Variants in ABCG1 observed in about 807,000 individuals in gnomAD.
ABCG1 encodes ATP binding cassette subfamily G member 1.
ABCG1 carries 29 observed loss-of-function variants against 69.2 expected under a neutral mutation model. That is an observed-to-expected ratio of 0.42 (90% CI 0.31 to 0.57). The LOEUF is 0.57. Ranked by LOEUF, ABCG1 falls within the 20% of genes least tolerant of loss-of-function variation. The probability of loss-of-function intolerance (pLI) is 0.15; values close to 1 mark genes in which losing one functional copy is unlikely to be tolerated. For missense variants in ABCG1, 718 were observed against 898.1 expected (o/e 0.80, Z 2.56); for synonymous variants, 370 against 374.8 (o/e 0.99, Z 0.15).
In ABCG1 at chr21:42,296,027, T is replaced by C. The variant is rs552422456; in HGVS notation, c.1773-137T>C. On this transcript the variant is annotated intron_variant, in intron 14 of 14. Coordinates refer to ENST00000398449, the MANE Select transcript of ABCG1 (RefSeq NM_016818.3). This position sits in a 1 kb window ranked among gnomAD's most constrained non-coding sequence, Gnocchi z 5.4. ...GAAGGTGGTGGGCGGTGAGGAAGTA[T>C]TCTGGGGAAGGCGGCCCTTTGGGAA... is the stretch of plus-strand genomic sequence containing the variant. The C allele has an allele frequency of 4.4e-6, 3 of 677,890 alleles. No individual in the cohort carries two copies. Among genetic ancestry groups the C allele is most frequent in the Non-Finnish European group, 7.9e-6 (3 of 378,254 alleles). 42.0% of individuals were successfully genotyped at this position (677,890 alleles called of 1,614,324 possible).
chr21:42,259,538 T>C, intron 2 of ABCG1: 2 of 1,530,446 alleles, frequency 1.3e-6, no homozygotes, highest in Middle Eastern at 2.3e-4. Flanking sequence ...GCTGGAGTCA[T>C]CATGTGGGCC....
chr21:42,264,609 G>A (rs1228365425), intron 2 of ABCG1, among the ~76,000 whole-genome samples: 1 of 152,210 alleles, frequency 6.6e-6, no homozygotes, highest in Non-Finnish European at 1.5e-5. Context: ...AGATGGAAAG[G>A]TGAGGTTCCT....
At chr21:42,268,870 A>T (rs1185947568) in intron 2 of ABCG1, among the ~76,000 whole-genome samples, 1 of 152,134 alleles carries the variant, frequency 6.6e-6, no homozygotes, top group East Asian at 1.9e-4. Flanking sequence ...CCTGGGGGTC[A>T]TTGCAGCCTG....
At chr21:42,283,216 G>C (rs575326993) in intron 6 of ABCG1, among the ~76,000 whole-genome samples, 1 of 152,210 alleles carries the variant, frequency 6.6e-6, no homozygotes, top group African/African-American at 2.4e-5. Flanking sequence ...CTTCTGAGGG[G>C]GGGATGGCGG....
At chr21:42,232,222 T>C (rs184816453) in intron 2 of ABCG1, among the ~76,000 whole-genome samples, 1 of 152,254 alleles carries the variant, frequency 6.6e-6, no homozygotes, top group Non-Finnish European at 1.5e-5. Context: ...TTAGCCGCCA[T>C]GTGCAAGACC....
At chr21:42,294,205 GC>G (rs1321785916) in intron 13 of ABCG1, among the ~76,000 whole-genome samples, 1 of 152,122 alleles carries the variant, frequency 6.6e-6, no homozygotes, top group African/African-American at 2.4e-5. Flanking sequence ...CAGGCACTTA[GC>G]CCCCCCGGGG....
rs769558976 is a variant in ABCG1 at position 42,273,894 on chromosome 21, G to C, written c.537+459G>C. On this transcript the variant is annotated intron_variant, in intron 4 of 14. Transcript: ENST00000398449. This position sits in a 1 kb window ranked among gnomAD's most constrained non-coding sequence, Gnocchi z 5.3. ...CTCTGACTCACCTGCCTCCCAGGTG[G>C]GAAAATGAAACCAGCAGTGGCCGAG... is the stretch of plus-strand genomic sequence containing the variant. Among the ~76,000 whole-genome samples, 5 of 152,142 alleles carry C rather than the reference G, an allele frequency of 3.3e-5. No homozygotes were observed. Among genetic ancestry groups the C allele is most frequent in the Non-Finnish European group, 7.3e-5 (5 of 68,030 alleles).
intron 3 of ABCG1, among the ~76,000 whole-genome samples, chr21:42,271,852 C>T (rs1397993300): frequency 6.6e-6 from 1 of 152,194 alleles, no homozygotes; most frequent in Non-Finnish European, 1.5e-5. Flanking sequence ...CCACTGCACT[C>T]CAGCCTGGGT....
intron 2 of ABCG1, among the ~76,000 whole-genome samples, chr21:42,235,913 G>A (rs2067972761): frequency 6.6e-6 from 1 of 152,238 alleles, no homozygotes; most frequent in Non-Finnish European, 1.5e-5. Flanking sequence ...CATCCCCATG[G>A]TTCAGGGGGC....
rs1601343863 is a variant in ABCG1, at chr21:42,219,958, C to T, written c.42+654C>T. ...TCTGCGCGCGCCGGAGAGAGAGACG[C>T]GGTGGGGACAGGGATGCGCATTTCA... is the stretch of plus-strand genomic sequence containing the variant. On this transcript the variant is annotated intron_variant, in intron 1 of 14. Coordinates refer to ENST00000398449, the MANE Select transcript of ABCG1 (RefSeq NM_016818.3). This position sits in a 1 kb window ranked among gnomAD's most constrained non-coding sequence, Gnocchi z 5.3. 3 of 1,551,776 alleles carry T rather than the reference C, an allele frequency of 1.9e-6. No individual in the cohort carries two copies. Among genetic ancestry groups the T allele is most frequent in the East Asian group, 2.4e-5 (1 of 40,930 alleles).
intron 2 of ABCG1, among the ~76,000 whole-genome samples, chr21:42,259,657 C>T (rs1039109833): frequency 3.9e-5 from 6 of 152,216 alleles, no homozygotes; most frequent in Admixed American, 2.6e-4. Flanking sequence ...GCTAGAGCCA[C>T]GTGTTTGCAA....
intron 2 of ABCG1, among the ~76,000 whole-genome samples, chr21:42,269,695 A>C (rs2068580724): frequency 6.6e-6 from 1 of 152,148 alleles, no homozygotes; most frequent in Non-Finnish European, 1.5e-5. Context: ...CCACATCCAA[A>C]TTAAGGCGGC....
At chr21:42,209,980 G>C (rs1020087867) in intron 2 of ABCG1, among the ~76,000 whole-genome samples, 4 of 152,144 alleles carry the variant, frequency 2.6e-5, no homozygotes, top group African/African-American at 9.7e-5. Context: ...GATGGACAAT[G>C]GGTGTGAACT....
upstream of ABCG1, among the ~76,000 whole-genome samples, chr21:42,211,463 T>G (rs2067588727): frequency 6.6e-6 from 1 of 152,120 alleles, no homozygotes; most frequent in South Asian, 2.1e-4. Context: ...TCCTCCTTCC[T>G]TCCTCTCTCT....
At chr21:42,201,692 G>A in exon 2 of ABCG1, 1 of 1,613,814 alleles carries the variant, frequency 6.2e-7, no homozygotes, top group Middle Eastern at 1.7e-4. Flanking sequence ...GGAACGCAGG[G>A]GTGGACAAAA....
chr21:42,235,292 G>A (rs1298978676), intron 2 of ABCG1, among the ~76,000 whole-genome samples: 1 of 152,234 alleles, frequency 6.6e-6, no homozygotes, highest in Non-Finnish European at 1.5e-5. Flanking sequence ...GTGTCCGCAG[G>A]GGAACGGCCC....
exon 1 of ABCG1, chr21:42,199,829 C>A (rs1335953576): frequency 6.6e-6 from 1 of 152,186 alleles, no homozygotes; most frequent in Non-Finnish European, 1.5e-5. Context: ...AGGGCAGCAG[C>A]TGGACTACCT....
At position 42,256,615 on chromosome 21, in the gene ABCG1, A is replaced by G. The variant is rs1005270632; in HGVS notation, c.287-14455A>G. 10 of 1,506,460 alleles carry G rather than the reference A, an allele frequency of 6.6e-6. No individual in the cohort carries two copies. The African/African-American group carries it at 1.4e-4, about 21-fold the overall frequency. 93.3% of individuals were successfully genotyped at this position (1,506,460 alleles called of 1,614,324 possible). A position where few individuals can be genotyped will look rare whatever the true frequency, so the allele number is the denominator to read the frequency against. ...CAGTTCTCACAGTTTTTACAGGCAC[A>G]GGTCAGCTCTCAGAGTGCTGGGGAC... On this transcript the variant is annotated intron_variant, in intron 2 of 14. Coordinates refer to ENST00000398449, the MANE Select transcript of ABCG1 (RefSeq NM_016818.3).
chr21:42,241,604 CA>C (rs11330761), intron 2 of ABCG1, among the ~76,000 whole-genome samples: 50,869 of 130,300 alleles, frequency 0.39, 8,808 homozygotes, highest in Middle Eastern at 0.48. Context: ...GACCCTGTCT[CA>C]AAAAAAAAAA....
Sources: allele counts gnomAD v4.1 joint callset (sites outside exome capture counted in the v4.1 genomes callset), GRCh38; gene constraint gnomAD v4.1.1; non-coding constraint Gnocchi (gnomAD v3.1); transcripts MANE v1.5; gene names NCBI Gene and HGNC (gene_info 2026-07-23, HGNC 2026-07-21).